Variants in ABCC4 observed in about 807,000 individuals in gnomAD.
The protein encoded by ABCC4 is ATP binding cassette subfamily C member 4 (PEL blood group).
ABCC4 carries 102 observed loss-of-function variants against 168.5 expected under a neutral mutation model. That is an observed-to-expected ratio of 0.61 (90% CI 0.52 to 0.71). The LOEUF is 0.71. Among genes scored for constraint, ABCC4 ranks in the 30% least tolerant of loss-of-function variants. The pLI is 0.00. For missense variants in ABCC4, 1,402 were observed against 1,605.8 expected, an observed-to-expected ratio of 0.87 and a Z score of 2.17; for synonymous variants, 617 against 590.7, an observed-to-expected ratio of 1.04 and a Z score of -0.65.
intron 1 of ABCC4, among the ~76,000 whole-genome samples, chr13:95,267,716 C>A (rs2040722263): frequency 6.6e-6 from 1 of 152,160 alleles, no homozygotes; most frequent in African/African-American, 2.4e-5. Context: ...ATGGTTTACA[C>A]TAACATAAAT....
At chr13:95,071,060 G>A (rs564452730) in intron 25 of ABCC4, among the ~76,000 whole-genome samples, 45 of 92,338 alleles carry the variant, frequency 4.9e-4, no homozygotes, top group African/African-American at 1.5e-3. Flanking sequence ...GGTTTTATAA[G>A]GGGAAGTTTC....
At chr13:95,225,381 G>A (rs1434850533) in intron 4 of ABCC4, among the ~76,000 whole-genome samples, 1 of 152,118 alleles carries the variant, frequency 6.6e-6, no homozygotes, top group African/African-American at 2.4e-5. Context: ...TTTAAAATAC[G>A]ATTTATGGCC....
intron 8 of ABCC4, among the ~76,000 whole-genome samples, chr13:95,198,688 G>A (rs1372407992): frequency 2.0e-5 from 3 of 152,102 alleles, no homozygotes; most frequent in East Asian, 1.9e-4. Context: ...ATTTACAACA[G>A]CAAAGACTTG....
intron 13 of ABCC4, among the ~76,000 whole-genome samples, 178 bp downstream of exon 13, chr13:95,177,529 C>T (rs1183490743): frequency 6.6e-6 from 1 of 152,284 alleles, no homozygotes; most frequent in South Asian, 2.1e-4. Flanking sequence ...TATTTTCCTA[C>T]CTTGACCTTG....
At chr13:95,140,229 G>A (rs2139477890) in intron 19 of ABCC4, among the ~76,000 whole-genome samples, 1 of 152,208 alleles carries the variant, frequency 6.6e-6, no homozygotes, top group Middle Eastern at 3.4e-3. Context: ...TCAACTCTGG[G>A]GACTATCCCC....
chr13:95,136,573 T>C (rs891258341), intron 19 of ABCC4, among the ~76,000 whole-genome samples: 1 of 152,228 alleles, frequency 6.6e-6, no homozygotes, highest in African/African-American at 2.4e-5. Flanking sequence ...TAAGTTATAC[T>C]CTTAAAGTTA....
In ABCC4 at chr13:95,166,324, G is replaced by C; in HGVS notation, c.1868C>G (p.Ser623Cys). The C allele has an allele frequency of 6.2e-7, 1 of 1,613,602 alleles. No individual in the cohort carries two copies. The highest frequency in any genetic ancestry group is 8.5e-7 in the Non-Finnish European group (1 of 1,180,010). Residue 623 changes from serine (S) to cysteine (C), a missense_variant, in exon 15 of 31, where the codon TCT (serine) becomes TGT (cysteine). Transcript: ENST00000645237. The stretch of plus-strand genomic sequence containing the variant: ...TAAAAGGGAGCCAAAATCTATACCA[G>C]ATTTTAGGAACTCAGTGTAAGTCCC... ...QKGTYTEFLK[S>C]GIDFGSLLKK...
In ABCC4 at chr13:95,021,687, A is replaced by G. The variant is rs772961654; in HGVS notation, c.3871-5T>C. ...ATAATTTCTTTTGAAGTATACCTAG[A>G]AAAAAAAAAGGTAAGCATAAAAAGA... On this transcript the variant is annotated splice_polypyrimidine_tract_variant and splice_region_variant and intron_variant, in intron 30 of 30. Coordinates refer to ENST00000645237, the MANE Select transcript of ABCC4 (RefSeq NM_005845.5). 1.6e-3 allele frequency: 2,194 copies of G among 1,359,454 alleles called. No homozygotes were observed. Among genetic ancestry groups the G allele is most frequent in the Admixed American group, 3.3e-3 (158 of 48,256 alleles). The allele number at this position is 1,359,454 out of a possible 1,614,324, so 84.2% of individuals were successfully genotyped here. A position where few individuals can be genotyped will look rare whatever the true frequency, so the allele number is the denominator to read the frequency against.
At chr13:95,288,470 A>G (rs1254818449) in intron 1 of ABCC4, among the ~76,000 whole-genome samples, 1 of 152,252 alleles carries the variant, frequency 6.6e-6, no homozygotes, top group East Asian at 1.9e-4. Flanking sequence ...CAAGACTTAA[A>G]TAAGACTTAA....
intron 29 of ABCC4, among the ~76,000 whole-genome samples, chr13:95,038,350 C>G (rs1490486511): frequency 6.8e-6 from 1 of 146,770 alleles, no homozygotes; most frequent in African/African-American, 2.6e-5. Flanking sequence ...AAGTCCCAGC[C>G]CCTGCTTTTA....
At chr13:95,231,134 G>A (rs930574354) in intron 4 of ABCC4, among the ~76,000 whole-genome samples, 31 of 152,256 alleles carry the variant, frequency 2.0e-4, no homozygotes, top group South Asian at 8.3e-4. Flanking sequence ...AGGGGAGAGT[G>A]GACACCAGTG....
intron 20 of ABCC4, among the ~76,000 whole-genome samples, chr13:95,084,369 G>A (rs764543086): frequency 6.6e-6 from 1 of 152,110 alleles, no homozygotes; most frequent in Non-Finnish European, 1.5e-5. Context: ...CTTTTTATTG[G>A]TCAGGATAAA....
intron 3 of ABCC4, among the ~76,000 whole-genome samples, chr13:95,246,065 G>A (rs140972120): frequency 2.0e-4 from 31 of 152,292 alleles, no homozygotes; most frequent in Admixed American, 1.2e-3. Flanking sequence ...GCAGGCCAAA[G>A]ACCAGAACGG....
chr13:95,290,904 G>A (rs2041385118), intron 1 of ABCC4, among the ~76,000 whole-genome samples: 1 of 146,544 alleles, frequency 6.8e-6, no homozygotes, highest in Non-Finnish European at 1.5e-5. Context: ...GGCTGAGACA[G>A]GAGAACCGCT....
intron 14 of ABCC4, among the ~76,000 whole-genome samples, chr13:95,168,622 A>G (rs1323700130): frequency 2.0e-5 from 3 of 152,194 alleles, no homozygotes; most frequent in African/African-American, 4.8e-5. Flanking sequence ...AAATTGCAGG[A>G]GGAGAAACAT....
intron 20 of ABCC4, among the ~76,000 whole-genome samples, chr13:95,086,314 C>A (rs558247024): frequency 2.0e-5 from 3 of 151,762 alleles, no homozygotes; most frequent in African/African-American, 4.8e-5. Flanking sequence ...AGTTCTAGAC[C>A]CAGAAAACAA....
At chr13:95,146,149 T>C (rs1165840067) in intron 19 of ABCC4, among the ~76,000 whole-genome samples, 4 of 150,108 alleles carry the variant, frequency 2.7e-5, no homozygotes, top group Non-Finnish European at 5.9e-5. Flanking sequence ...AGGCGGAAGT[T>C]GCAGTGAGCC....
chr13:95,220,006 C>A (rs2039268705), intron 4 of ABCC4, among the ~76,000 whole-genome samples: 1 of 149,640 alleles, frequency 6.7e-6, no homozygotes, highest in African/African-American at 2.5e-5. Context: ...CAGGCATGCG[C>A]CATCATGCCT....
At chr13:95,047,011 A>G (rs1398326380) in intron 27 of ABCC4, among the ~76,000 whole-genome samples, 2 of 152,222 alleles carry the variant, frequency 1.3e-5, no homozygotes, top group African/African-American at 2.4e-5. Flanking sequence ...GTACACATAC[A>G]TATTTAAGGA....
Sources: allele counts gnomAD v4.1 joint callset (sites outside exome capture counted in the v4.1 genomes callset), GRCh38; gene constraint gnomAD v4.1.1; transcripts MANE v1.5; gene names NCBI Gene and HGNC (gene_info 2026-07-23, HGNC 2026-07-21).